The following RBFOX1 variants were observed in gnomAD, a reference collection of about 807,000 sequenced individuals.
RBFOX1 encodes RNA binding protein fox-1 homolog 1.
A neutral mutation model predicts 57.7 loss-of-function variants in RBFOX1; 8 were observed. The observed-to-expected ratio is 0.14, with a 90% confidence interval of 0.08 to 0.25. RBFOX1 has a LOEUF of 0.25. Among genes scored for constraint, RBFOX1 ranks in the 10% least tolerant of loss-of-function variants. The pLI, the probability that RBFOX1 is intolerant of heterozygous loss-of-function variation, is 1.00. For synonymous variants in RBFOX1, 326 were observed against 222.4 expected (o/e 1.47, Z -4.15); for missense variants, 611 against 548.5 (o/e 1.11, Z -1.14).
intron 3 of RBFOX1, among the ~76,000 whole-genome samples, chr16:5,791,571 T>C (rs954004896): frequency 6.6e-6 from 1 of 152,018 alleles, no homozygotes; most frequent in African/African-American, 2.4e-5. Context: ...TGTGGGTGAA[T>C]GGGTGACTCT....
chr16:5,312,773 T>C (rs907990763), intron 1 of RBFOX1, among the ~76,000 whole-genome samples: 4 of 152,322 alleles, frequency 2.6e-5, no homozygotes, highest in African/African-American at 9.6e-5. Context: ...TGGCTGATGC[T>C]GCAGATGCAT....
In RBFOX1 at chr16:7,171,391, C is replaced by T. The variant is rs988751221; in HGVS notation, c.27+119293C>T. 1.2e-3 allele frequency among the ~76,000 whole-genome samples: 188 copies of T among 152,284 alleles called. 1 individual carries two copies. The highest frequency in any genetic ancestry group is 4.4e-3 in the African/African-American group (184 of 41,552). ...CACATAGTATTTTCTTGATGAATTCCTGCCACCGCTAATGTCACTTTATCC... is the reference window on the plus strand; with the variant it reads ...CACATAGTATTTTCTTGATGAATTCTTGCCACCGCTAATGTCACTTTATCC... On this transcript the variant is annotated intron_variant, in intron 4 of 15. Coordinates refer to ENST00000550418, the MANE Select transcript of RBFOX1 (RefSeq NM_018723.4).
At chr16:6,587,411 A>C (rs1336721943) in intron 2 of RBFOX1, among the ~76,000 whole-genome samples, 1 of 152,074 alleles carries the variant, frequency 6.6e-6, no homozygotes, top group Non-Finnish European at 1.5e-5. Flanking sequence ...CCTCCTGAGT[A>C]GCTGGGATTA....
intron 3 of RBFOX1, among the ~76,000 whole-genome samples, chr16:5,848,775 CG>C (rs892791375): frequency 7.2e-5 from 11 of 151,988 alleles, no homozygotes; most frequent in African/African-American, 2.4e-4. Context: ...GGTGAAACCC[CG>C]TCTCTAATAA....
At chr16:6,476,098 A>G (rs1391026549) in intron 2 of RBFOX1, among the ~76,000 whole-genome samples, 6 of 152,200 alleles carry the variant, frequency 3.9e-5, no homozygotes, top group Non-Finnish European at 7.3e-5. Context: ...TATTGGTACA[A>G]TGTCAGTCAT....
At chr16:6,376,081 C>G (rs1389237055) in intron 2 of RBFOX1, among the ~76,000 whole-genome samples, 1 of 152,116 alleles carries the variant, frequency 6.6e-6, no homozygotes, top group East Asian at 1.9e-4. Context: ...AACCAAGCCC[C>G]CATCCATGAT....
At chr16:6,167,198 G>A (rs147536741) in intron 1 of RBFOX1, among the ~76,000 whole-genome samples, 117 of 152,372 alleles carry the variant, frequency 7.7e-4, no homozygotes, top group African/African-American at 2.4e-3. Context: ...ACACGCATGC[G>A]TGATGTTCAG....
chr16:6,965,017 A>G (rs777204166), intron 3 of RBFOX1, among the ~76,000 whole-genome samples: 2 of 152,028 alleles, frequency 1.3e-5, no homozygotes, highest in African/African-American at 2.4e-5. Context: ...AATGATTATG[A>G]TTGTTGCTTT....
chr16:6,368,791 T>C (rs571809246), intron 2 of RBFOX1, among the ~76,000 whole-genome samples: 1 of 152,204 alleles, frequency 6.6e-6, no homozygotes, highest in African/African-American at 2.4e-5. Flanking sequence ...GCCCTCTGTT[T>C]CAATGTTGGT....
At chr16:7,545,047 G>C (rs866765610) in intron 5 of RBFOX1, among the ~76,000 whole-genome samples, 4 of 152,208 alleles carry the variant, frequency 2.6e-5, no homozygotes, top group Non-Finnish European at 5.9e-5. Flanking sequence ...GCATCAAACA[G>C]TGTCTACTAA....
At chr16:5,597,504 A>G (rs1322609942) in intron 2 of RBFOX1, among the ~76,000 whole-genome samples, 1 of 147,680 alleles carries the variant, frequency 6.8e-6, no homozygotes, top group African/African-American at 2.5e-5. Context: ...GGTTCAAGCG[A>G]TTCTCCTCCC....
chr16:6,889,966 A>C (rs2065030130), intron 3 of RBFOX1, among the ~76,000 whole-genome samples: 1 of 152,216 alleles, frequency 6.6e-6, no homozygotes, highest in South Asian at 2.1e-4. Flanking sequence ...GATAACTAGA[A>C]TTCCAGGAGA....
intron 1 of RBFOX1, among the ~76,000 whole-genome samples, chr16:5,265,652 A>G (rs181170400): frequency 2.3e-4 from 35 of 152,324 alleles, no homozygotes; most frequent in African/African-American, 8.2e-4. Context: ...TTTTAGATCT[A>G]TATTCTTGAG....
intron 4 of RBFOX1, among the ~76,000 whole-genome samples, chr16:7,198,479 A>G (rs1165790252): frequency 1.3e-5 from 2 of 152,254 alleles, no homozygotes; most frequent in Admixed American, 1.3e-4. Flanking sequence ...AATCAAAAAC[A>G]GGAAGACAGA....
intron 3 of RBFOX1, among the ~76,000 whole-genome samples, chr16:5,631,186 G>C (rs1031464614): frequency 2.0e-5 from 3 of 152,310 alleles, no homozygotes; most frequent in Admixed American, 2.0e-4. Context: ...AAGGTGATGA[G>C]GTTGATGATG....
At chr16:5,626,285 T>C (rs1428997484) in intron 3 of RBFOX1, among the ~76,000 whole-genome samples, 2 of 152,196 alleles carry the variant, frequency 1.3e-5, no homozygotes, top group Non-Finnish European at 2.9e-5. Context: ...TGGTTTCTTC[T>C]GCAGCCTCCC....
At chr16:5,875,990 C>G (rs994480439) in intron 4 of RBFOX1, among the ~76,000 whole-genome samples, 2 of 151,906 alleles carry the variant, frequency 1.3e-5, no homozygotes, top group Admixed American at 6.6e-5. Context: ...ACTACAGGCC[C>G]CCGACAGCAC....
intron 1 of RBFOX1, among the ~76,000 whole-genome samples, chr16:6,253,699 GTA>G (rs373756943): frequency 9.1e-5 from 13 of 142,490 alleles, no homozygotes; most frequent in African/African-American, 2.8e-4. Flanking sequence ...GTGTGTGTGT[GTA>G]TATATATATA....
At chr16:7,298,949 T>C (rs1261512776) in intron 4 of RBFOX1, among the ~76,000 whole-genome samples, 1 of 152,220 alleles carries the variant, frequency 6.6e-6, no homozygotes, top group Non-Finnish European at 1.5e-5. Context: ...CAAATCTGTG[T>C]TGTTCACGAG....
Sources: gnomAD v4.1 joint callset for allele counts (sites outside exome capture counted in the v4.1 genomes callset) on GRCh38, gnomAD v4.1.1 for gene constraint, MANE v1.5 for transcripts, NCBI Gene and HGNC (gene_info 2026-07-23, HGNC 2026-07-21) for gene names.